Variants in ITPR3 observed in about 807,000 individuals in gnomAD.
The protein encoded by ITPR3 is inositol 1,4,5-trisphosphate receptor type 3.
A neutral mutation model predicts 293.2 loss-of-function variants in ITPR3; 173 were observed. The observed-to-expected ratio is 0.59, with a 90% CI of 0.52 to 0.67. The LOEUF is 0.67. Ranked by LOEUF, ITPR3 falls within the 30% of genes least tolerant of loss-of-function variation. The probability of loss-of-function intolerance (pLI) is 0.00; values close to 1 mark genes in which losing one functional copy is unlikely to be tolerated. For missense variants in ITPR3, 2,796 were observed against 3,592.1 expected, an observed-to-expected ratio of 0.78 and a Z score of 5.66; for synonymous variants, 1,295 against 1,444.4, an observed-to-expected ratio of 0.90 and a Z score of 2.35.
chr6:33,677,674 CT>C (rs1764945877), intron 28 of ITPR3, 45 bp downstream of exon 28: 1 of 1,603,522 alleles, frequency 6.2e-7, no homozygotes, highest in Non-Finnish European at 8.5e-7. Flanking sequence ...TGGCTTCCCC[CT>C]GAACCCCGGC....
chr6:33,669,114 G>C lies in ITPR3; in HGVS notation c.2147G>C (p.Arg716Pro). The C allele has an allele frequency of 6.2e-7, 1 of 1,614,116 alleles. No homozygotes were observed. Among genetic ancestry groups the C allele is most frequent in the Non-Finnish European group, 8.5e-7 (1 of 1,180,004 alleles). ...KSVRQLAQEA[R>P]AGNAHDENVL... ...GTGAGGCAGCTGGCCCAGGAGGCGC[G>C]GGCCGGCAACGCCCACGACGAGAAT... Residue 716 changes from arginine (R) to proline (P), a missense_variant, in exon 18 of 58, where the codon CGG (arginine) becomes CCG (proline). Arg to Pro is a moderately radical substitution (Grantham distance 103, BLOSUM62 -2). This residue lies in a region of ITPR3 where 955 missense variants were observed against 1,180.8 expected (regional missense o/e 0.81). Transcript: ENST00000605930.
At chr6:33,622,251 C>T (rs1763455390) in intron 1 of ITPR3, among the ~76,000 whole-genome samples, 1 of 152,316 alleles carries the variant, frequency 6.6e-6, no homozygotes, top group East Asian at 1.9e-4. Context: ...CCAGCTGCCC[C>T]TTCTCCCCGC....
At chr6:33,653,278 C>CAT (rs370927791) in intron 2 of ITPR3, among the ~76,000 whole-genome samples, 22 of 132,066 alleles carry the variant, frequency 1.7e-4, no homozygotes, top group South Asian at 4.9e-4. Context: ...TTTTTATTAA[C>CAT]TTTTTTTTTT....
At position 33,658,639 on chromosome 6, in the gene ITPR3, GT is replaced by G; in HGVS notation, c.370-30del. The G allele has an allele frequency of 6.2e-7, 1 of 1,610,736 alleles. No individual in the cohort carries two copies. Among genetic ancestry groups the G allele is most frequent in the Non-Finnish European group, 8.5e-7 (1 of 1,177,616 alleles). ...CTAATGGGCCGACTCCTGTGGCGCG[GT>G]GACCTTCCCGCACCCCACCTGACCC... On this transcript the variant is annotated intron_variant, in intron 4 of 57. Transcript: ENST00000605930. The surrounding 1 kb of genome is among the most constrained non-coding windows in gnomAD (Gnocchi z 6.1).
At chr6:33,656,893 G>C (rs1455545809) in intron 3 of ITPR3, among the ~76,000 whole-genome samples, 2 of 152,244 alleles carry the variant, frequency 1.3e-5, no homozygotes, top group Non-Finnish European at 2.9e-5. Flanking sequence ...GACTGGGCTG[G>C]AGAGAGGGAG....
intron 2 of ITPR3, among the ~76,000 whole-genome samples, chr6:33,648,794 C>A (rs922837060): frequency 1.3e-5 from 2 of 152,060 alleles, no homozygotes; most frequent in African/African-American, 4.8e-5. Context: ...GGGGTCTCAC[C>A]AAGTTGCCCA....
rs144738883 is a variant in ITPR3 at position 33,626,497 on chromosome 6, C to G, written c.89+4806C>G. 2.7e-3 allele frequency among the ~76,000 whole-genome samples: 417 copies of G among 152,328 alleles called. 4 individuals are homozygous for G. Among genetic ancestry groups the G allele is most frequent in the African/African-American group, 9.6e-3 (400 of 41,584 alleles). ...TGATCTGGGGGCCCTCCCAGGCTGA[C>G]AGGCTGTGAGGAAGCCTGCCTGCTA... On this transcript the variant is annotated intron_variant, in intron 1 of 57. Transcript: ENST00000605930.
At chr6:33,623,669 T>C (rs1763492268) in intron 1 of ITPR3, among the ~76,000 whole-genome samples, 1 of 152,118 alleles carries the variant, frequency 6.6e-6, no homozygotes, top group Non-Finnish European at 1.5e-5. Flanking sequence ...CTTCTTCCCC[T>C]GCCCTTGTGC....
Position 33,692,863 on chromosome 6 carries a change from G to A in ITPR3, c.7594G>A (p.Glu2532Lys). 6.2e-7 allele frequency: 1 copy of A among 1,614,170 alleles called. No homozygotes were observed. Among genetic ancestry groups the A allele is most frequent in the Non-Finnish European group, 8.5e-7 (1 of 1,180,026 alleles). The stretch of plus-strand genomic sequence containing the variant: ...GCGTAGTGAGAAGCAGAAGAAGGAG[G>A]AGATTCTTAAGACGACATGCTTCAT... ...DLRSEKQKKE[E>K]ILKTTCFICG... The change falls in exon 55 of 58, where the codon GAG becomes AAG. Residue 2532 changes from glutamate to lysine, a missense_variant. Glu to Lys is a moderately conservative substitution (Grantham distance 56). Around this residue, in one of 8 missense-constraint regions of ITPR3, gnomAD observed 568 missense variants for 796.1 expected, o/e 0.71. Transcript: ENST00000605930. This position sits in a 1 kb window ranked among gnomAD's most constrained non-coding sequence, Gnocchi z 4.2.
chr6:33,646,199 T>TC (rs1204289973), intron 2 of ITPR3, among the ~76,000 whole-genome samples: 1 of 152,012 alleles, frequency 6.6e-6, no homozygotes, highest in African/African-American at 2.4e-5. Context: ...TGATCTAGGA[T>TC]CCCCCACTCT....
chr6:33,668,052 C>T (rs1463188928), intron 16 of ITPR3, 88 bp downstream of exon 16: 3 of 1,455,498 alleles, frequency 2.1e-6, no homozygotes, highest in African/African-American at 1.4e-5. Context: ...TGAACTATTC[C>T]TGCACCTGTT....
intron 3 of ITPR3, among the ~76,000 whole-genome samples, chr6:33,656,324 A>G (rs1764305139): frequency 1.3e-5 from 2 of 152,092 alleles, no homozygotes; most frequent in African/African-American, 2.4e-5. Flanking sequence ...GCCAGGGTGC[A>G]TGGCTCAGAG....
rs1258875630 is a variant in ITPR3, at chr6:33,684,557, G to T, written c.5047-41G>T. 9.9e-6 allele frequency: 16 copies of T among 1,609,700 alleles called. No homozygotes were observed. In the South Asian group the frequency reaches 1.6e-4, roughly 17 times the overall value. On this transcript the variant is annotated intron_variant, in intron 37 of 57. Coordinates refer to ENST00000605930, the MANE Select transcript of ITPR3 (RefSeq NM_002224.4). This position sits in a 1 kb window ranked among gnomAD's most constrained non-coding sequence, Gnocchi z 4.2. ...CCCGTCAGGCCAGTGGTCAGTGGTG[G>T]GCTGTACCCACAATGGGGCCTCACT...
Position 33,655,968 on chromosome 6 carries a change from G to A in ITPR3, c.282+81G>A. ...ACAAGCAGCGGTGCTGCTTGTCGGA[G>A]CCAGTAGGGGCTCTGTGGCTGAGCT... On this transcript the variant is annotated intron_variant, in intron 3 of 57. Coordinates refer to ENST00000605930, the MANE Select transcript of ITPR3 (RefSeq NM_002224.4). The surrounding 1 kb of genome is among the most constrained non-coding windows in gnomAD (Gnocchi z 4.9). 1 of 1,566,590 alleles carries A rather than the reference G, an allele frequency of 6.4e-7. No individual in the cohort carries two copies. The highest frequency in any genetic ancestry group is 2.3e-5 in the East Asian group (1 of 43,902).
rs1232526309 is a variant in ITPR3, at chr6:33,682,589, ACAG to A, written c.4551_4553del (p.Gln1517del). Reference sequence around the variant, plus strand: ...CACGCCTCCTCGAGTGTCCGTGGCTACAGCAGCAGCACAAGGGCTCCGTGGAGG... The same window carrying A: ...CACGCCTCCTCGAGTGTCCGTGGCTACAGCAGCACAAGGGCTCCGTGGAGG... On this transcript the variant is annotated inframe_deletion, in exon 34 of 58. Coordinates refer to ENST00000605930, the MANE Select transcript of ITPR3 (RefSeq NM_002224.4). This position sits in a 1 kb window ranked among gnomAD's most constrained non-coding sequence, Gnocchi z 5.4. 1.3e-6 allele frequency: 2 copies of A among 1,595,760 alleles called. No individual in the cohort carries two copies. The highest frequency in any genetic ancestry group is 1.7e-5 in the Admixed American group (1 of 57,782).
At position 33,683,945 on chromosome 6, in the gene ITPR3, T is replaced by G; in HGVS notation, c.4789-75T>G. The G allele has an allele frequency of 6.6e-7, 1 of 1,506,788 alleles. No homozygotes were observed. Among genetic ancestry groups the G allele is most frequent in the Non-Finnish European group, 8.9e-7 (1 of 1,121,248 alleles). 93.3% of individuals were successfully genotyped at this position (1,506,788 alleles called of 1,614,324 possible). ...GGGCAATCTGTGGGGCTGTTTGGCG[T>G]TTGGGTCGGAGGAATGGCAGTCACA... On this transcript the variant is annotated intron_variant, in intron 35 of 57. Coordinates refer to ENST00000605930, the MANE Select transcript of ITPR3 (RefSeq NM_002224.4). This position sits in a 1 kb window ranked among gnomAD's most constrained non-coding sequence, Gnocchi z 4.5.
chr6:33,641,190 A>G (rs2151290686), intron 2 of ITPR3, among the ~76,000 whole-genome samples: 1 of 152,286 alleles, frequency 6.6e-6, no homozygotes, highest in South Asian at 2.1e-4. Flanking sequence ...TGGGGATTAA[A>G]CAATATCCTG....
intron 1 of ITPR3, among the ~76,000 whole-genome samples, chr6:33,631,341 C>T (rs1262692337): frequency 6.6e-6 from 1 of 152,152 alleles, no homozygotes; most frequent in Non-Finnish European, 1.5e-5. Context: ...TTATTGCATA[C>T]AAGACAAGGG....
At position 33,680,716 on chromosome 6, in the gene ITPR3, T is replaced by C. The variant is rs781586627; in HGVS notation, c.4476+36T>C. On this transcript the variant is annotated intron_variant, in intron 33 of 57. Coordinates refer to ENST00000605930, the MANE Select transcript of ITPR3 (RefSeq NM_002224.4). ...CCTCTCCCACCACCCCAGGGCCGAC[T>C]TGCCTAGCTTTTGTGAAGGGAAGGG... 1.9e-6 allele frequency: 3 copies of C among 1,587,040 alleles called. No individual in the cohort carries two copies. In the South Asian group the frequency reaches 3.4e-5, roughly 18 times the overall value.
Sources: gnomAD v4.1 joint callset for allele counts (sites outside exome capture counted in the v4.1 genomes callset) on GRCh38, gnomAD v4.1.1 for gene constraint, gnomAD v4.1.1 regional missense constraint, Gnocchi (gnomAD v3.1) non-coding constraint, MANE v1.5 for transcripts, NCBI Gene and HGNC (gene_info 2026-07-23, HGNC 2026-07-21) for gene names.